MTUS1: variants seen among roughly 807,000 people sequenced by gnomAD.
The protein encoded by MTUS1 is microtubule associated scaffold protein 1.
In MTUS1, 109 loss-of-function variants were observed where a neutral mutation model predicts 120.8. That is an observed-to-expected ratio of 0.90 (90% CI 0.77 to 1.06). The LOEUF is 1.06. Ranked by LOEUF, MTUS1 falls within the 50% of genes least tolerant of loss-of-function variation. The pLI, the probability that MTUS1 is intolerant of heterozygous loss-of-function variation, is 0.00. For synonymous variants in MTUS1, 737 were observed against 550.5 expected (o/e 1.34, Z -4.74); for missense variants, 2,210 against 1,486.3 (o/e 1.49, Z -8.01).
At chr8:17,687,322 G>A (rs1039308830) in intron 6 of MTUS1, among the ~76,000 whole-genome samples, 77 of 152,110 alleles carry the variant, frequency 5.1e-4, no homozygotes, top group African/African-American at 1.8e-3. Flanking sequence ...TGGCTCAGCT[G>A]AAGATCAGAG....
intron 1 of MTUS1, among the ~76,000 whole-genome samples, chr8:17,794,597 G>A (rs1009785316): frequency 2.6e-5 from 4 of 152,138 alleles, no homozygotes; most frequent in African/African-American, 4.8e-5. Flanking sequence ...CCACCAGCAA[G>A]GAGGACTTCT....
intron 1 of MTUS1, among the ~76,000 whole-genome samples, chr8:17,763,592 G>C (rs190112156): frequency 7.2e-5 from 11 of 152,052 alleles, no homozygotes; most frequent in African/African-American, 2.7e-4. Flanking sequence ...TTTTCTCTTG[G>C]GAATGAGCTG....
intron 10 of MTUS1, chr8:17,653,759 TAGG>T (rs1168249273): frequency 3.8e-4 from 145 of 378,158 alleles, no homozygotes; most frequent in Non-Finnish European, 5.4e-4. Flanking sequence ...CATGCGACCT[TAGG>T]ACAACACTGA....
rs111792959 is a variant in MTUS1, at chr8:17,656,789, C to T, written c.2906-724G>A. ...GACGAGGGATAAGAAACAAGTGGAC[C>T]GGCCGGGCGCGGTGGCTCACGCCTG... On this transcript the variant is annotated intron_variant, in intron 8 of 14. Coordinates refer to ENST00000693296, the MANE Select transcript of MTUS1 (RefSeq NM_001363059.2). 8.7e-3 allele frequency among the ~76,000 whole-genome samples: 1,314 copies of T among 151,116 alleles called. 13 individuals carry two copies. The highest frequency in any genetic ancestry group is 0.021 in the African/African-American group (854 of 41,198).
intron 1 of MTUS1, among the ~76,000 whole-genome samples, chr8:17,758,929 T>C (rs1441384812): frequency 6.6e-6 from 1 of 152,236 alleles, no homozygotes; most frequent in Non-Finnish European, 1.5e-5. Flanking sequence ...TCGCCCGGGC[T>C]GGAGTGCAGT....
At chr8:17,749,899 A>C (rs548530833) in intron 2 of MTUS1, among the ~76,000 whole-genome samples, 9 of 152,202 alleles carry the variant, frequency 5.9e-5, no homozygotes, top group African/African-American at 1.9e-4. Flanking sequence ...CTGGTCACTC[A>C]TGTTTGGCTC....
At chr8:17,688,362 C>A (rs1816265291) in intron 6 of MTUS1, among the ~76,000 whole-genome samples, 1 of 152,212 alleles carries the variant, frequency 6.6e-6, no homozygotes, top group African/African-American at 2.4e-5. Context: ...TCTCTGCTGA[C>A]TCATGTTTCC....
At chr8:17,664,799 C>T (rs762858284) in intron 8 of MTUS1, among the ~76,000 whole-genome samples, 1 of 152,146 alleles carries the variant, frequency 6.6e-6, no homozygotes, top group African/African-American at 2.4e-5. Context: ...AGGTGACCCC[C>T]TTAAGCCAAG....
At chr8:17,728,204 C>T (rs914028182) in intron 3 of MTUS1, among the ~76,000 whole-genome samples, 13 of 152,222 alleles carry the variant, frequency 8.5e-5, no homozygotes, top group Admixed American at 2.0e-4. Context: ...AAGATGAATA[C>T]GTCCTACAGA....
chr8:17,785,138 G>GC (rs33976687), intron 1 of MTUS1, among the ~76,000 whole-genome samples: 110,751 of 151,902 alleles, frequency 0.73, 41,961 homozygotes, highest in Non-Finnish European at 0.85. Flanking sequence ...TCTATCACAT[G>GC]CAGCTTCTTT....
At chr8:17,713,079 TAA>T (rs2131016285) in intron 6 of MTUS1, 133 bp downstream of exon 6, 1 of 736,950 alleles carries the variant, frequency 1.4e-6, no homozygotes, top group East Asian at 2.6e-5. Context: ...CGACCCGTCA[TAA>T]AAAGTTAGGT....
chr8:17,695,631 G>C (rs1165504367), intron 6 of MTUS1, among the ~76,000 whole-genome samples: 4 of 152,136 alleles, frequency 2.6e-5, no homozygotes, highest in African/African-American at 9.7e-5. Flanking sequence ...AGACAACTTA[G>C]AATGTCTACT....
At chr8:17,793,488 A>T (rs1186675931) in intron 1 of MTUS1, among the ~76,000 whole-genome samples, 2 of 152,190 alleles carry the variant, frequency 1.3e-5, no homozygotes, top group Non-Finnish European at 2.9e-5. Context: ...TATCTGACAA[A>T]AGAATTTCAA....
chr8:17,786,763 G>C (rs1017116956), intron 1 of MTUS1, among the ~76,000 whole-genome samples: 1 of 152,118 alleles, frequency 6.6e-6, no homozygotes, highest in Non-Finnish European at 1.5e-5. Flanking sequence ...TGAAGGAGCT[G>C]GGTTTCATAT....
intron 1 of MTUS1, among the ~76,000 whole-genome samples, chr8:17,766,401 T>C (rs575997542): frequency 6.6e-6 from 1 of 152,318 alleles, no homozygotes; most frequent in African/African-American, 2.4e-5. Flanking sequence ...TGAGATCTCC[T>C]CCTACTACTC....
Position 17,645,831 on chromosome 8 carries a change from C to T in MTUS1, c.*95G>A. Reference sequence around the variant, plus strand: ...TTACCCTACGGTGATCACACGTGTGCTGATATACCTCTTGTGCCCACGTTC... The same window carrying T: ...TTACCCTACGGTGATCACACGTGTGTTGATATACCTCTTGTGCCCACGTTC... On this transcript the variant is annotated 3_prime_UTR_variant, in exon 15 of 15. Coordinates refer to ENST00000693296, the MANE Select transcript of MTUS1 (RefSeq NM_001363059.2). 6.8e-7 allele frequency: 1 copy of T among 1,476,278 alleles called. No individual in the cohort carries two copies. Among genetic ancestry groups the T allele is most frequent in the Non-Finnish European group, 9.0e-7 (1 of 1,106,474 alleles). The allele number at this position is 1,476,278 out of a possible 1,614,324, so 91.4% of individuals were successfully genotyped here. A position where few individuals can be genotyped will look rare whatever the true frequency, so the allele number is the denominator to read the frequency against.
At chr8:17,778,430 T>C (rs552268912) in intron 1 of MTUS1, among the ~76,000 whole-genome samples, 1 of 152,316 alleles carries the variant, frequency 6.6e-6, no homozygotes, top group South Asian at 2.1e-4. Flanking sequence ...TGGTTGGTGG[T>C]TGCACAGCTA....
intron 3 of MTUS1, among the ~76,000 whole-genome samples, chr8:17,742,422 G>C (rs2047406887): frequency 6.6e-6 from 1 of 151,148 alleles, no homozygotes; most frequent in South Asian, 2.1e-4. Flanking sequence ...GCCAGGACTA[G>C]AGCTTTCATC....
intron 1 of MTUS1, among the ~76,000 whole-genome samples, chr8:17,761,852 A>G (rs1461035401): frequency 1.3e-5 from 2 of 152,216 alleles, no homozygotes; most frequent in Non-Finnish European, 2.9e-5. Context: ...AGTTTTTAAG[A>G]ACTCACAAAT....
Sources: gnomAD v4.1 joint callset for allele counts (sites outside exome capture counted in the v4.1 genomes callset) on GRCh38, gnomAD v4.1.1 for gene constraint, MANE v1.5 for transcripts, NCBI Gene and HGNC (gene_info 2026-07-23, HGNC 2026-07-21) for gene names.